Variants in STX8 observed in about 807,000 individuals in gnomAD.
The protein encoded by STX8 is syntaxin-8.
Under a neutral mutation model 37.5 loss-of-function variants are expected in STX8, and 23 were observed. That is an observed-to-expected ratio of 0.61 (90% CI 0.44 to 0.87). The LOEUF is 0.87. Ranked by LOEUF, STX8 falls within the 40% of genes least tolerant of loss-of-function variation. The probability of loss-of-function intolerance (pLI) is 0.00; values close to 1 mark genes in which losing one functional copy is unlikely to be tolerated. For missense variants in STX8, 313 were observed against 284.7 expected (o/e 1.10, Z -0.71); for synonymous variants, 115 against 99.1 (o/e 1.16, Z -0.95).
intron 3 of STX8, among the ~76,000 whole-genome samples, chr17:9,550,802 C>T (rs994292461): frequency 1.2e-4 from 19 of 152,172 alleles, no homozygotes; most frequent in Non-Finnish European, 2.6e-4. Flanking sequence ...AGGCTGGGCA[C>T]AGTCGCTCAC....
chr17:9,533,911 C>T (rs557713850), intron 4 of STX8, among the ~76,000 whole-genome samples: 27 of 152,138 alleles, frequency 1.8e-4, no homozygotes, highest in Non-Finnish European at 3.4e-4. Flanking sequence ...ATTTTCAGCT[C>T]AAGAATATCT....
chr17:9,358,953 T>C (rs576422993), intron 7 of STX8, among the ~76,000 whole-genome samples: 60 of 152,262 alleles, frequency 3.9e-4, no homozygotes, highest in Admixed American at 5.2e-4. Flanking sequence ...TTACATGTAA[T>C]AGTCCCCAGC....
intron 6 of STX8, chr17:9,467,460 C>G (rs1445661671): frequency 6.6e-6 from 1 of 152,196 alleles, no homozygotes. Flanking sequence ...TCCATCCACT[C>G]CCCTCCCTGA....
At chr17:9,294,305 G>A (rs563599825) in intron 7 of STX8, among the ~76,000 whole-genome samples, 41 of 152,318 alleles carry the variant, frequency 2.7e-4, no homozygotes, top group African/African-American at 9.9e-4. Flanking sequence ...AAGTGAAAGA[G>A]GAAGAGAACT....
chr17:9,497,604 T>TTA (rs34307223), intron 5 of STX8, among the ~76,000 whole-genome samples: 38,904 of 151,766 alleles, frequency 0.26, 5,139 homozygotes, highest in South Asian at 0.38. Context: ...CTCTCTACTA[T>TTA]TACACGTTTG....
chr17:9,362,840 A>T (rs8081786), intron 7 of STX8, among the ~76,000 whole-genome samples: 3,892 of 115,440 alleles, frequency 0.034, 95 homozygotes, highest in Admixed American at 0.082. Flanking sequence ...AAAAAAAAAA[A>T]AAATAAATAA....
intron 6 of STX8, among the ~76,000 whole-genome samples, chr17:9,475,254 A>G (rs928747016): frequency 1.3e-5 from 2 of 152,202 alleles, no homozygotes; most frequent in Non-Finnish European, 2.9e-5. Context: ...ATTCTCTTCA[A>G]GAATAGAGTT....
chr17:9,426,231 C>T (rs1226696416), intron 6 of STX8, among the ~76,000 whole-genome samples: 1 of 151,896 alleles, frequency 6.6e-6, no homozygotes, highest in Non-Finnish European at 1.5e-5. Context: ...TGTAAGAGCT[C>T]AAGACCTGCC....
At chr17:9,465,775 T>C (rs755032263) in intron 6 of STX8, among the ~76,000 whole-genome samples, 1 of 152,144 alleles carries the variant, frequency 6.6e-6, no homozygotes, top group Non-Finnish European at 1.5e-5. Context: ...GCCACTGCAC[T>C]GAGCCCTGCA....
intron 6 of STX8, among the ~76,000 whole-genome samples, chr17:9,458,020 T>C: frequency 6.6e-6 from 1 of 152,256 alleles, no homozygotes; most frequent in East Asian, 1.9e-4. Flanking sequence ...TACAGAATAC[T>C]TATAACTAAA....
chr17:9,523,478 C>T (rs1439533727), intron 4 of STX8, among the ~76,000 whole-genome samples: 1 of 151,910 alleles, frequency 6.6e-6, no homozygotes, highest in African/African-American at 2.4e-5. Flanking sequence ...GTTGGTGTTC[C>T]TAGAGCCATG....
intron 6 of STX8, among the ~76,000 whole-genome samples, chr17:9,487,371 A>G (rs1906643380): frequency 6.6e-6 from 1 of 152,064 alleles, no homozygotes; most frequent in South Asian, 2.1e-4. Flanking sequence ...CTGACTCCCT[A>G]TCACTCAGAT....
chr17:9,532,830 C>T lies in STX8; in HGVS notation c.323+12342G>A, dbSNP rs567188200. 2.6e-5 allele frequency among the ~76,000 whole-genome samples: 4 copies of T among 152,110 alleles called. No individual in the cohort carries two copies. The South Asian group carries it at 8.3e-4, about 32-fold the overall frequency. ...ACTGTACACATTATATGGCTGGTAT[C>T]AGACCATTAGTTAAGCGTATTACCC... On this transcript the variant is annotated intron_variant, in intron 4 of 7. Coordinates refer to ENST00000306357, the MANE Select transcript of STX8 (RefSeq NM_004853.3).
At chr17:9,383,439 T>G (rs1911885257) in intron 6 of STX8, among the ~76,000 whole-genome samples, 1 of 152,144 alleles carries the variant, frequency 6.6e-6, no homozygotes. Context: ...ATGATACAAA[T>G]TATCAGCAAA....
chr17:9,266,013 C>T (rs1279162239), intron 7 of STX8, among the ~76,000 whole-genome samples: 1 of 152,134 alleles, frequency 6.6e-6, no homozygotes, highest in East Asian at 1.9e-4. Context: ...CTGATATGGT[C>T]CATAAACCAG....
intron 3 of STX8, among the ~76,000 whole-genome samples, chr17:9,551,285 A>C (rs1484424850): frequency 6.6e-6 from 1 of 152,162 alleles, no homozygotes; most frequent in Non-Finnish European, 1.5e-5. Flanking sequence ...CCAAGTCCTT[A>C]CCTTCCTCAA....
chr17:9,469,823 A>T (rs1905772329), intron 6 of STX8: 1 of 152,196 alleles, frequency 6.6e-6, no homozygotes, highest in Non-Finnish European at 1.5e-5. Flanking sequence ...TGAATCCAGA[A>T]GCAGAGAGGA....
chr17:9,283,241 T>C (rs1324775267), intron 7 of STX8: 3 of 152,160 alleles, frequency 2.0e-5, no homozygotes, highest in African/African-American at 7.2e-5. Flanking sequence ...CAACCTTCTG[T>C]GTTTGAAATA....
chr17:9,414,574 G>C (rs77864104), intron 6 of STX8, among the ~76,000 whole-genome samples: 1 of 151,978 alleles, frequency 6.6e-6, no homozygotes, highest in Admixed American at 6.6e-5. Flanking sequence ...GTGTGAAGTC[G>C]AGTTGACAGA....
Sources: allele counts gnomAD v4.1 joint callset (sites outside exome capture counted in the v4.1 genomes callset), GRCh38; gene constraint gnomAD v4.1.1; transcripts MANE v1.5; gene names NCBI Gene and HGNC (gene_info 2026-07-23, HGNC 2026-07-21).